ZFPM2: variants seen among roughly 807,000 people sequenced by gnomAD.
ZFPM2 encodes the protein zinc finger protein ZFPM2.
Under a neutral mutation model 98.6 loss-of-function variants are expected in ZFPM2, and 20 were observed. The ratio of observed to expected loss-of-function variants is 0.20; its 90% CI spans 0.14 to 0.29. ZFPM2 has a LOEUF of 0.29. Ranked by LOEUF, ZFPM2 falls within the 10% of genes least tolerant of loss-of-function variation. ZFPM2 has a pLI of 1.00. For missense variants in ZFPM2, 1,310 were observed against 1,388.6 expected (o/e 0.94, Z 0.90); for synonymous variants, 518 against 502.7 (o/e 1.03, Z -0.41).
At chr8:105,666,310 A>C (rs1817487182) in intron 5 of ZFPM2, among the ~76,000 whole-genome samples, 1 of 152,212 alleles carries the variant, frequency 6.6e-6, no homozygotes, top group Non-Finnish European at 1.5e-5. Context: ...TGGAGGGCCA[A>C]ATAGCAATTC....
At position 105,443,321 on chromosome 8, in the gene ZFPM2, A is replaced by T. The variant is rs113890965; in HGVS notation, c.200-959A>T. ...GAGTAAGACTCCTTCTCAAAAAACA[A>T]AAAACAAAAAAAAAAAAACTTGGCA... On this transcript the variant is annotated intron_variant, in intron 2 of 7. Transcript: ENST00000407775. Among the ~76,000 whole-genome samples the T allele has an allele frequency of 8.0e-4, 118 of 147,950 alleles. 6 individuals are homozygous for T. The highest frequency in any genetic ancestry group is 2.9e-3 in the African/African-American group (111 of 38,822).
chr8:105,472,219 C>T (rs1812918687), intron 3 of ZFPM2, among the ~76,000 whole-genome samples: 1 of 152,146 alleles, frequency 6.6e-6, no homozygotes, highest in Non-Finnish European at 1.5e-5. Flanking sequence ...TAAGAATAAG[C>T]AGAGTTATCC....
At chr8:105,521,333 C>G (rs1427352652) in intron 3 of ZFPM2, among the ~76,000 whole-genome samples, 2 of 112,778 alleles carry the variant, frequency 1.8e-5, no homozygotes, top group Non-Finnish European at 3.6e-5. Context: ...CAGATAGTTT[C>G]AAGAAAAAAA....
chr8:105,479,286 C>T (rs892275807), intron 3 of ZFPM2, among the ~76,000 whole-genome samples: 4 of 152,186 alleles, frequency 2.6e-5, no homozygotes, highest in Non-Finnish European at 5.9e-5. Context: ...GCTTACTATC[C>T]TTCAGAACTG....
At chr8:105,554,268 A>AAC (rs1332272041) in intron 3 of ZFPM2, among the ~76,000 whole-genome samples, 1 of 152,188 alleles carries the variant, frequency 6.6e-6, no homozygotes, top group Non-Finnish European at 1.5e-5. Flanking sequence ...TGCCTGAGGA[A>AAC]ACACACATAA....
At chr8:105,630,231 T>C (rs893549961) in intron 4 of ZFPM2, among the ~76,000 whole-genome samples, 1 of 152,236 alleles carries the variant, frequency 6.6e-6, no homozygotes, top group Non-Finnish European at 1.5e-5. Flanking sequence ...TGAATTCTTA[T>C]GTTGGAGACA....
chr8:105,590,259 G>T (rs1815813046), intron 4 of ZFPM2, among the ~76,000 whole-genome samples: 1 of 152,150 alleles, frequency 6.6e-6, no homozygotes, highest in South Asian at 2.1e-4. Context: ...ATGTCACTGT[G>T]AGATGCTGAG....
chr8:105,497,578 A>C (rs1434925083), intron 3 of ZFPM2, among the ~76,000 whole-genome samples: 1 of 152,170 alleles, frequency 6.6e-6, no homozygotes, highest in African/African-American at 2.4e-5. Context: ...AGGTGTATCA[A>C]GGTTTAAGCT....
chr8:105,594,588 C>G (rs1815923306), intron 4 of ZFPM2, among the ~76,000 whole-genome samples: 1 of 152,090 alleles, frequency 6.6e-6, no homozygotes. Flanking sequence ...CTCTCTGAAG[C>G]TGATATAGTT....
At chr8:105,655,123 A>G (rs528661111) in intron 5 of ZFPM2, among the ~76,000 whole-genome samples, 5 of 152,134 alleles carry the variant, frequency 3.3e-5, no homozygotes, top group African/African-American at 1.2e-4. Context: ...TTAGTTTATT[A>G]CACTGGTTAT....
At chr8:105,426,997 G>A (rs528993308) in intron 2 of ZFPM2, among the ~76,000 whole-genome samples, 1 of 152,152 alleles carries the variant, frequency 6.6e-6, no homozygotes, top group South Asian at 2.1e-4. Flanking sequence ...TTTATCTCAT[G>A]AGGTTGAAAA....
At chr8:105,790,187 T>C (rs1813559424) in intron 6 of ZFPM2, among the ~76,000 whole-genome samples, 1 of 151,290 alleles carries the variant, frequency 6.6e-6, no homozygotes, top group Non-Finnish European at 1.5e-5. Context: ...TGGTAATGCC[T>C]AGGTTTTCTT....
In ZFPM2 at chr8:105,655,816, C is replaced by T. The variant is rs562896351; in HGVS notation, c.532+21459C>T. On this transcript the variant is annotated intron_variant, in intron 5 of 7. Transcript: ENST00000407775. Reference sequence around the variant, plus strand: ...AATACTGACAAATATCCTCTAAAAGCATTGTGATTATCGTTACTTTTATGA... The same window carrying T: ...AATACTGACAAATATCCTCTAAAAGTATTGTGATTATCGTTACTTTTATGA... Among the ~76,000 whole-genome samples, 11 of 152,256 alleles carry T rather than the reference C, an allele frequency of 7.2e-5. No individual in the cohort carries two copies. The South Asian group carries it at 1.9e-3, about 26-fold the overall frequency.
intron 1 of ZFPM2, among the ~76,000 whole-genome samples, chr8:105,373,989 T>G (rs1373131484): frequency 6.6e-6 from 1 of 152,174 alleles, no homozygotes; most frequent in African/African-American, 2.4e-5. Context: ...CTAGATATTG[T>G]GTACAAAAAA....
At chr8:105,591,589 T>C (rs1272696782) in intron 4 of ZFPM2, among the ~76,000 whole-genome samples, 1 of 152,190 alleles carries the variant, frequency 6.6e-6, no homozygotes, top group Non-Finnish European at 1.5e-5. Flanking sequence ...TTTAAAGACT[T>C]GTTTTTTTAA....
chr8:105,442,739 G>A (rs139131483), intron 2 of ZFPM2, among the ~76,000 whole-genome samples: 462 of 152,118 alleles, frequency 3.0e-3, no homozygotes, highest in African/African-American at 0.011. Flanking sequence ...CAGATTTTAA[G>A]TTCATTTTAT....
chr8:105,748,337 T>C (rs1255425893), intron 5 of ZFPM2, among the ~76,000 whole-genome samples: 1 of 152,102 alleles, frequency 6.6e-6, no homozygotes, highest in Non-Finnish European at 1.5e-5. Context: ...CATGTAATTT[T>C]AAATCTGAAA....
At chr8:105,539,306 T>C (rs886931863) in intron 3 of ZFPM2, among the ~76,000 whole-genome samples, 1 of 152,202 alleles carries the variant, frequency 6.6e-6, no homozygotes, top group Non-Finnish European at 1.5e-5. Context: ...CATATTTCAG[T>C]TGACTTTATG....
chr8:105,414,611 T>G (rs1266994777), intron 1 of ZFPM2, among the ~76,000 whole-genome samples: 2 of 151,992 alleles, frequency 1.3e-5, no homozygotes, highest in East Asian at 3.9e-4. Context: ...CCCCCCTTTT[T>G]TTTTTCTGAA....
Sources: gnomAD v4.1 joint callset for allele counts (sites outside exome capture counted in the v4.1 genomes callset) on GRCh38, gnomAD v4.1.1 for gene constraint, MANE v1.5 for transcripts, NCBI Gene and HGNC (gene_info 2026-07-23, HGNC 2026-07-21) for gene names.